The following OPCML variants were observed in gnomAD, a reference collection of about 807,000 sequenced individuals.
OPCML encodes the protein opioid-binding protein/cell adhesion molecule.
In OPCML, 13 loss-of-function variants were observed where a neutral mutation model predicts 37.8. The ratio of observed to expected loss-of-function variants is 0.34; its 90% CI spans 0.22 to 0.55. The LOEUF (loss-of-function observed/expected upper bound fraction) is 0.55, where lower values mean the gene tolerates loss of function less well. OPCML is among the 20% of genes least tolerant of loss of function. OPCML has a pLI of 0.91. For missense variants in OPCML, 341 were observed against 435.6 expected (o/e 0.78, Z 1.93); for synonymous variants, 176 against 168.8 (o/e 1.04, Z -0.33).
intron 1 of OPCML, among the ~76,000 whole-genome samples, chr11:133,102,731 T>A (rs547335087): frequency 6.6e-6 from 1 of 151,934 alleles, no homozygotes; most frequent in Non-Finnish European, 1.5e-5. Context: ...GCCTGGGTGA[T>A]AGAGCAAGAC....
chr11:132,904,824 C>T (rs1416715991), intron 2 of OPCML, among the ~76,000 whole-genome samples: 1 of 152,182 alleles, frequency 6.6e-6, no homozygotes, highest in Admixed American at 6.5e-5. Context: ...TGTGGAAAAA[C>T]CTGCCTAATG....
chr11:133,475,777 G>A (rs1487248193), intron 1 of OPCML, among the ~76,000 whole-genome samples: 1 of 152,202 alleles, frequency 6.6e-6, no homozygotes, highest in East Asian at 1.9e-4. Context: ...TGGCGGATTA[G>A]GTGGCTGAGG....
intron 1 of OPCML, among the ~76,000 whole-genome samples, chr11:133,048,752 T>C (rs1948071716): frequency 6.6e-6 from 1 of 152,228 alleles, no homozygotes. Context: ...AGAGACACTG[T>C]CTTTCAAGAT....
At chr11:132,812,078 C>CT (rs1349932761) in intron 2 of OPCML, among the ~76,000 whole-genome samples, 2 of 152,164 alleles carry the variant, frequency 1.3e-5, no homozygotes, top group Non-Finnish European at 2.9e-5. Context: ...TTTCTCATTG[C>CT]TAACTGTGCA....
intron 2 of OPCML, among the ~76,000 whole-genome samples, chr11:132,664,757 C>T (rs1417424927): frequency 1.3e-5 from 2 of 152,202 alleles, no homozygotes; most frequent in Non-Finnish European, 2.9e-5. Context: ...AACTTCAGAG[C>T]ATCAACAGGG....
At chr11:132,670,398 A>G (rs1418858259) in intron 2 of OPCML, among the ~76,000 whole-genome samples, 1 of 152,146 alleles carries the variant, frequency 6.6e-6, no homozygotes, top group Non-Finnish European at 1.5e-5. Flanking sequence ...GGGCAAGACC[A>G]CAAAGGCCAT....
chr11:133,233,572 C>G (rs184919503), intron 1 of OPCML, among the ~76,000 whole-genome samples: 4 of 152,182 alleles, frequency 2.6e-5, no homozygotes, highest in African/African-American at 9.7e-5. Context: ...ATTAGTTTAT[C>G]CATATAGTTT....
intron 3 of OPCML, among the ~76,000 whole-genome samples, chr11:132,640,087 A>C (rs1940759412): frequency 6.6e-6 from 1 of 152,062 alleles, no homozygotes; most frequent in Admixed American, 6.5e-5. Context: ...TCACCTAGAA[A>C]CCTCAGAAGA....
intron 4 of OPCML, among the ~76,000 whole-genome samples, chr11:132,480,317 G>GA (rs962938591): frequency 1.3e-5 from 2 of 152,090 alleles, no homozygotes; most frequent in African/African-American, 2.4e-5. Flanking sequence ...GAAGTTTAGA[G>GA]AAAAAAGAAT....
intron 1 of OPCML, among the ~76,000 whole-genome samples, chr11:132,963,423 C>T (rs1341401709): frequency 2.6e-5 from 4 of 151,882 alleles, no homozygotes; most frequent in East Asian, 3.9e-4. Flanking sequence ...AACCCCGTCT[C>T]GACTAAAAAA....
At chr11:133,395,545 C>G (rs1054881092) in intron 1 of OPCML, among the ~76,000 whole-genome samples, 1 of 152,076 alleles carries the variant, frequency 6.6e-6, no homozygotes, top group Non-Finnish European at 1.5e-5. Context: ...AGATTTAAGT[C>G]TTTAATCTAT....
chr11:133,426,915 G>T (rs182722860), intron 1 of OPCML, among the ~76,000 whole-genome samples: 1 of 152,270 alleles, frequency 6.6e-6, no homozygotes, highest in African/African-American at 2.4e-5. Flanking sequence ...GTGAAAATAG[G>T]TATATCTGTT....
At chr11:132,430,123 A>C (rs948407698) in intron 7 of OPCML, among the ~76,000 whole-genome samples, 4 of 152,218 alleles carry the variant, frequency 2.6e-5, no homozygotes, top group African/African-American at 9.6e-5. Flanking sequence ...TCTCCCTCCC[A>C]GAGGCCTGTG....
intron 3 of OPCML, among the ~76,000 whole-genome samples, chr11:132,604,571 C>T (rs1457413069): frequency 2.6e-5 from 4 of 152,166 alleles, no homozygotes; most frequent in Non-Finnish European, 5.9e-5. Flanking sequence ...TCCTCCTGAA[C>T]ATTCTACCAC....
intron 1 of OPCML, chr11:133,421,397 G>T: frequency 1.0e-6 from 1 of 985,426 alleles, no homozygotes; most frequent in Non-Finnish European, 1.2e-6. Context: ...CAGAAGAAGA[G>T]AAATCAGGCA....
At chr11:133,507,328 C>T (rs1187289626) in intron 1 of OPCML, among the ~76,000 whole-genome samples, 1 of 152,212 alleles carries the variant, frequency 6.6e-6, no homozygotes, top group East Asian at 1.9e-4. Flanking sequence ...GGCTCCAAGG[C>T]AGTGGGCTGG....
rs150742253 is a variant in OPCML, at chr11:132,673,516, T to A, written c.147-16197A>T. Among the ~76,000 whole-genome samples, 5 of 152,236 alleles carry A rather than the reference T, an allele frequency of 3.3e-5. No homozygotes were observed. In the East Asian group the frequency reaches 9.7e-4, roughly 29 times the overall value. ...TGTCACTGATGACCAAGAGACATTA[T>A]TGAGCTCATCAACTGCACCCAGGTT... On this transcript the variant is annotated intron_variant, in intron 2 of 7. Transcript: ENST00000524381.
chr11:133,358,284 T>C (rs1944336426), intron 1 of OPCML, among the ~76,000 whole-genome samples: 1 of 152,222 alleles, frequency 6.6e-6, no homozygotes, highest in African/African-American at 2.4e-5. Flanking sequence ...TAGTGAACTA[T>C]AAGTTCCAGA....
At chr11:133,140,961 A>G (rs1487852112) in intron 1 of OPCML, among the ~76,000 whole-genome samples, 1 of 2,276 alleles carries the variant, frequency 4.4e-4, no homozygotes, top group African/African-American at 7.0e-4. Flanking sequence ...AAGAAGAAGA[A>G]GAAGAAGAAG....
Sources: gnomAD v4.1 joint callset for allele counts (sites outside exome capture counted in the v4.1 genomes callset) on GRCh38, gnomAD v4.1.1 for gene constraint, MANE v1.5 for transcripts, NCBI Gene and HGNC (gene_info 2026-07-23, HGNC 2026-07-21) for gene names.